Variants in LRP6 observed in about 807,000 individuals in gnomAD.
LRP6 encodes low-density lipoprotein receptor-related protein 6.
A neutral mutation model predicts 184.1 loss-of-function variants in LRP6; 43 were observed. The observed-to-expected ratio is 0.23, with a 90% CI of 0.18 to 0.30. The LOEUF (loss-of-function observed/expected upper bound fraction) is 0.30, where lower values mean the gene tolerates loss of function less well. Ranked by LOEUF, LRP6 falls within the 10% of genes least tolerant of loss-of-function variation. The probability of loss-of-function intolerance (pLI) is 1.00; values close to 1 mark genes in which losing one functional copy is unlikely to be tolerated. For synonymous variants in LRP6, 719 were observed against 684.9 expected (o/e 1.05, Z -0.78); for missense variants, 1,571 against 2,005.3 (o/e 0.78, Z 4.14).
At chr12:12,214,986 A>G (rs1192940848) in intron 2 of LRP6, among the ~76,000 whole-genome samples, 2 of 152,076 alleles carry the variant, frequency 1.3e-5, no homozygotes, top group African/African-American at 2.4e-5. Context: ...TTTCTTTTAC[A>G]TTTCTTCCCT....
chr12:12,214,201 T>C (rs1055236765), intron 2 of LRP6, among the ~76,000 whole-genome samples: 1 of 152,202 alleles, frequency 6.6e-6, no homozygotes, highest in African/African-American at 2.4e-5. Context: ...GAATATTTAT[T>C]GGATGCAGGT....
intron 2 of LRP6, among the ~76,000 whole-genome samples, chr12:12,223,480 T>A (rs1864541336): frequency 1.3e-5 from 2 of 152,204 alleles, no homozygotes; most frequent in South Asian, 4.1e-4. Flanking sequence ...GATGAAGGAA[T>A]CTGCACTTGT....
At chr12:12,187,554 T>C (rs1863505997) in intron 3 of LRP6, 1 of 212,920 alleles carries the variant, frequency 4.7e-6, no homozygotes, top group African/African-American at 2.3e-5. Context: ...GAAGTAGATT[T>C]ATATCAGCAA....
In LRP6 at chr12:12,181,358, A is replaced by G; in HGVS notation, c.1058T>C (p.Val353Ala). The G allele has an allele frequency of 6.2e-7, 1 of 1,611,024 alleles. No homozygotes were observed. The highest frequency in any genetic ancestry group is 8.5e-7 in the Non-Finnish European group (1 of 1,177,186). ...ATGACGGATGTCTTCTAACTGCAGA[A>G]CAATGTCTGTAAAATCTGGTGTATC... ...SLDTPDFTDI[V>A]LQLEDIRHAI... Residue 353 changes from valine (V) to alanine (A), a missense_variant, in exon 6 of 23, where the codon GTT becomes GCT. Coordinates refer to ENST00000261349, the MANE Select transcript of LRP6 (RefSeq NM_002336.3).
At chr12:12,157,139 T>C (rs978283789) in intron 12 of LRP6, among the ~76,000 whole-genome samples, 5 of 152,156 alleles carry the variant, frequency 3.3e-5, no homozygotes, top group African/African-American at 1.2e-4. Flanking sequence ...TTTAAATACA[T>C]CCTGGTAATC....
chr12:12,160,496 A>C (rs763215328), intron 10 of LRP6, among the ~76,000 whole-genome samples: 13 of 152,218 alleles, frequency 8.5e-5, no homozygotes, highest in Non-Finnish European at 1.8e-4. Context: ...CAAAGCTTGA[A>C]AATGTATTTG....
chr12:12,252,808 GATACATTCTTGATATACTCTATACATAT>G (rs1193529714), intron 1 of LRP6, among the ~76,000 whole-genome samples: 1 of 152,074 alleles, frequency 6.6e-6, no homozygotes, highest in Non-Finnish European at 1.5e-5. Flanking sequence ...TGATAATCTT[GATACATTCTTGATATACTCTATACATAT>G]ATACATTCTT....
rs759952953 is a variant in LRP6, at chr12:12,138,413, T to C, written c.3519A>G (p.Thr1173=). ...QQQMIEKIDM[T]GREGRTKVQA... ...GGACTTTGGTTCTACCCTCTCGACC[T>C]GTCATGTCAATTTTTTCAATCATTT... is the stretch of plus-strand genomic sequence containing the variant. The change falls in exon 16 of 23, where the codon ACA becomes ACG. Residue 1173 remains threonine, a synonymous_variant. Coordinates refer to ENST00000261349, the MANE Select transcript of LRP6 (RefSeq NM_002336.3). The C allele has an allele frequency of 1.9e-6, 3 of 1,614,180 alleles. No homozygotes were observed. Among genetic ancestry groups the C allele is most frequent in the South Asian group, 2.2e-5 (2 of 91,088 alleles).
In LRP6 at chr12:12,126,794, C is replaced by T. The variant is rs1273400587; in HGVS notation, c.4209G>A (p.Lys1403=). Residue 1403 remains lysine, a synonymous_variant, in exon 20 of 23, where the codon AAG becomes AAA. Coordinates refer to ENST00000261349, the MANE Select transcript of LRP6 (RefSeq NM_002336.3). ...ICQRMLCPRM[K]GDGETMTNDY... ...CATTAGTCATAGTTTCCCCATCTCCCTTCATACGTGGACACAACATCCTCT... is the reference window on the plus strand; with the variant it reads ...CATTAGTCATAGTTTCCCCATCTCCTTTCATACGTGGACACAACATCCTCT... 1.2e-6 allele frequency: 2 copies of T among 1,613,996 alleles called. No individual in the cohort carries two copies. The highest frequency in any genetic ancestry group is 1.3e-5 in the African/African-American group (1 of 74,916).
In LRP6 at chr12:12,169,514, G is replaced by A. The variant is rs541922764; in HGVS notation, c.1546-4219C>T. ...AGGGTCTCAGGAAGAAGAGAGCAAA[G>A]CAAACAATGAAAAGAAAAAGGTCTT... On this transcript the variant is annotated intron_variant, in intron 7 of 22. Transcript: ENST00000261349. Among the ~76,000 whole-genome samples the A allele has an allele frequency of 1.1e-4, 17 of 152,240 alleles. No individual in the cohort carries two copies. The East Asian group carries it at 3.1e-3, about 28-fold the overall frequency.
intron 2 of LRP6, among the ~76,000 whole-genome samples, chr12:12,221,108 C>G (rs893499026): frequency 2.0e-5 from 3 of 152,196 alleles, no homozygotes; most frequent in Non-Finnish European, 4.4e-5. Flanking sequence ...GACTGGTTAG[C>G]AGAAAACTGT....
chr12:12,265,280 T>C (rs1169640108), intron 1 of LRP6, among the ~76,000 whole-genome samples: 1 of 152,214 alleles, frequency 6.6e-6, no homozygotes, highest in Admixed American at 6.5e-5. Context: ...CACAAAAATC[T>C]AATGAACACT....
intron 2 of LRP6, among the ~76,000 whole-genome samples, chr12:12,215,209 T>A (rs192801146): frequency 3.3e-5 from 5 of 152,202 alleles, no homozygotes; most frequent in Non-Finnish European, 7.4e-5. Flanking sequence ...AAAGTTAACA[T>A]TTTTACAAAC....
Position 12,149,047 on chromosome 12 carries a change from G to C in LRP6, c.3101C>G (p.Ala1034Gly). ...YSRYIYWTCE[A>G]TNVINVTRLD... ...TCTTGTCACATTAATGACATTGGTA[G>C]CCTCACAAGTCCAGTAGATGTAGCG... Residue 1034 changes from alanine (A) to glycine (G), a missense_variant, in exon 14 of 23, where the codon GCT (alanine) becomes GGT (glycine). Around this residue, in one of 4 missense-constraint regions of LRP6, gnomAD observed 763 missense variants for 859.5 expected, o/e 0.89. Coordinates refer to ENST00000261349, the MANE Select transcript of LRP6 (RefSeq NM_002336.3). The C allele has an allele frequency of 1.9e-6, 3 of 1,613,932 alleles. No individual in the cohort carries two copies. Among genetic ancestry groups the C allele is most frequent in the Non-Finnish European group, 2.5e-6 (3 of 1,179,900 alleles).
At position 12,214,182 on chromosome 12, in the gene LRP6, TAAGTAA is replaced by T. The variant is rs141450591; in HGVS notation, c.450-10788_450-10783del. Among the ~76,000 whole-genome samples, 654 of 152,252 alleles carry T rather than the reference TAAGTAA, an allele frequency of 4.3e-3. 6 individuals carry two copies. Among genetic ancestry groups the T allele is most frequent in the African/African-American group, 0.015 (611 of 41,548 alleles). On this transcript the variant is annotated intron_variant, in intron 2 of 22. Transcript: ENST00000261349. ...AAAACACATTTTCAAAAATATGTCA[TAAGTAA>T]AAGAATATTTATTGGATGCAGGTAT...
rs116050128 is a variant in LRP6, at chr12:12,151,850, A to C, written c.2792-812T>G. On this transcript the variant is annotated intron_variant, in intron 12 of 22. Coordinates refer to ENST00000261349, the MANE Select transcript of LRP6 (RefSeq NM_002336.3). ...AGCCACTGTGCCCACCCATAAATTT[A>C]AAATAATTATTTATTACCAGTAGTG... is the stretch of plus-strand genomic sequence containing the variant. 5.1e-3 allele frequency among the ~76,000 whole-genome samples: 779 copies of C among 152,264 alleles called. 8 individuals are homozygous for C. The highest frequency in any genetic ancestry group is 0.018 in the African/African-American group (730 of 41,546).
chr12:12,138,062 T>C (rs576734250), intron 16 of LRP6, among the ~76,000 whole-genome samples: 120 of 150,932 alleles, frequency 8.0e-4, no homozygotes, highest in African/African-American at 2.6e-3. Flanking sequence ...TCCCAGCTAC[T>C]CTGGAGGCTG....
At chr12:12,190,904 T>G (rs1297733589) in intron 3 of LRP6, among the ~76,000 whole-genome samples, 2 of 152,084 alleles carry the variant, frequency 1.3e-5, no homozygotes, top group African/African-American at 4.8e-5. Context: ...AGAGAACAAC[T>G]AGGTAATGAA....
At position 12,184,131 on chromosome 12, in the gene LRP6, T is replaced by C. The variant is rs571674218; in HGVS notation, c.845-20A>G. ...TTGTGGCTGTCAAATATAAATCACA[T>C]TGATTAATATCAATGATTACTAAGT... On this transcript the variant is annotated intron_variant, in intron 4 of 22. Transcript: ENST00000261349. The C allele has an allele frequency of 6.2e-6, 10 of 1,605,414 alleles. No individual in the cohort carries two copies. The African/African-American group carries it at 6.7e-5, about 11-fold the overall frequency.
Sources: allele counts gnomAD v4.1 joint callset (sites outside exome capture counted in the v4.1 genomes callset), GRCh38; gene constraint gnomAD v4.1.1; regional missense constraint gnomAD v4.1.1; transcripts MANE v1.5; gene names NCBI Gene and HGNC (gene_info 2026-07-23, HGNC 2026-07-21).